Variants in ELP5 observed in about 807,000 individuals in gnomAD.
ELP5 encodes elongator complex protein 5.
Under a neutral mutation model 33.4 loss-of-function variants are expected in ELP5, and 34 were observed. The ratio of observed to expected loss-of-function variants is 1.02; its 90% CI spans 0.78 to 1.36. The LOEUF is 1.36. ELP5 is among the 40% of genes most tolerant of loss of function. The pLI, the probability that ELP5 is intolerant of heterozygous loss-of-function variation, is 0.00. For synonymous variants in ELP5, 161 were observed against 146.4 expected (o/e 1.10, Z -0.72); for missense variants, 373 against 371.7 (o/e 1.00, Z -0.03).
At chr17:7,259,479 GT>G in intron 7 of ELP5, 91 bp from the exon 8 acceptor site, 2 of 1,576,426 alleles carry the variant, frequency 1.3e-6, no homozygotes, top group Non-Finnish European at 1.7e-6. Context: ...GGCCTAACAG[GT>G]TGCCTGAATG....
Position 7,252,306 on chromosome 17 carries a change from TCA to T in ELP5, c.-242_-241del. ...GCCCCAACTGCTCTTCCCGCCCCGG[TCA>T]CAGTGAAAATGTAGACGGGGTCGTT... On this transcript the variant is annotated 5_prime_UTR_variant, in exon 1 of 8. Transcript: ENST00000396628. 1.7e-6 allele frequency: 1 copy of T among 595,458 alleles called. No homozygotes were observed. Among genetic ancestry groups the T allele is most frequent in the Admixed American group, 2.7e-5 (1 of 36,782 alleles). 36.9% of individuals were successfully genotyped at this position (595,458 alleles called of 1,614,324 possible). A position where few individuals can be genotyped will look rare whatever the true frequency, so the allele number is the denominator to read the frequency against.
At chr17:7,259,302 T>C in intron 7 of ELP5, 1 of 1,384,956 alleles carries the variant, frequency 7.2e-7, no homozygotes, top group Non-Finnish European at 9.3e-7. Context: ...CTGTGCCCAG[T>C]ATGTGGGCGG....
Position 7,257,030 on chromosome 17 carries a change from A to C in ELP5, c.583A>C (p.Thr195Pro), listed in dbSNP as rs750859636. The stretch of plus-strand genomic sequence containing the variant: ...GTGTCGGAGGCCCCGACAGCGCCCA[A>C]CTGACCAGGTCAGAAGAACCAACAG... The part of the protein sequence containing the change: ...ILCRRPRQRP[T>P]DQTQWFSILP... The change falls in exon 5 of 8, where the codon ACT (threonine) becomes CCT (proline). Residue 195 changes from threonine to proline, a missense_variant. By Grantham distance (38) the Thr-to-Pro change is conservative. Transcript: ENST00000396628. 6.9e-6 allele frequency: 11 copies of C among 1,587,872 alleles called. No homozygotes were observed. Among genetic ancestry groups the C allele is most frequent in the Non-Finnish European group, 8.5e-6 (10 of 1,169,606 alleles).
chr17:7,254,693 C>G lies in ELP5; in HGVS notation c.299C>G (p.Pro100Arg), dbSNP rs777632310. 6.2e-7 allele frequency: 1 copy of G among 1,614,134 alleles called. No individual in the cohort carries two copies. The highest frequency in any genetic ancestry group is 1.3e-5 in the African/African-American group (1 of 75,006). ...AGAGCCATGTGCAAGAGGACAGATC[C>G]TGTTCCTGTCACCATTGCTCTCGAT... Reference protein sequence around the residue: ...ALRAMCKRTDPVPVTIALDSL... With the variant: ...ALRAMCKRTDRVPVTIALDSL... Residue 100 changes from proline to arginine, a missense_variant, in exon 4 of 8, where the codon CCT becomes CGT. Pro to Arg is a moderately radical substitution (Grantham distance 103). Transcript: ENST00000396628.
Position 7,254,754 on chromosome 17 carries a change from C to G in ELP5, c.360C>G (p.Thr120=). ...LSWLLLRLPC[T]TLCQVLHAVS... ...GGCTGCTACTTCGCCTTCCCTGCAC[C>G]ACACTCTGCCAGGTCCTGCATGCTG... The change falls in exon 4 of 8, where the codon ACC becomes ACG. Residue 120 remains threonine (T), a synonymous_variant. Coordinates refer to ENST00000396628, the MANE Select transcript of ELP5 (RefSeq NM_203414.3). 1 of 1,614,148 alleles carries G rather than the reference C, an allele frequency of 6.2e-7. No individual in the cohort carries two copies.
intron 4 of ELP5, 91 bp from the exon 5 acceptor site, chr17:7,256,766 G>T: frequency 1.5e-6 from 2 of 1,366,378 alleles, no homozygotes; most frequent in South Asian, 2.5e-5. Context: ...GCACTGTGAT[G>T]GAATTGTGAG....
chr17:7,257,169 C>A, intron 5 of ELP5, 131 bp downstream of exon 5: 1 of 1,007,372 alleles, frequency 9.9e-7, no homozygotes, highest in Non-Finnish European at 1.4e-6. Flanking sequence ...TGGGGTTTCA[C>A]TGTGTTGGTC....
chr17:7,256,186 A>T (rs1369182778), intron 4 of ELP5, among the ~76,000 whole-genome samples: 1 of 152,148 alleles, frequency 6.6e-6, no homozygotes, highest in African/African-American at 2.4e-5. Context: ...CCCCGTCTCT[A>T]CCAAATACAA....
chr17:7,259,489 TGA>T (rs1259495578), intron 7 of ELP5, 80 bp from the exon 8 acceptor site: 34 of 1,586,464 alleles, frequency 2.1e-5, no homozygotes, highest in East Asian at 4.5e-5. Context: ...GTTGCCTGAA[TGA>T]GAGTCACAGT....
At position 7,252,941 on chromosome 17, in the gene ELP5, G is replaced by A; in HGVS notation, c.131G>A (p.Gly44Asp). 1 of 1,614,152 alleles carries A rather than the reference G, an allele frequency of 6.2e-7. No homozygotes were observed. The highest frequency in any genetic ancestry group is 8.5e-7 in the Non-Finnish European group (1 of 1,180,032). Residue 44 changes from glycine (G) to aspartate (D), a missense_variant, in exon 3 of 8, where the codon GGC becomes GAC. Transcript: ENST00000396628. ...ALCGEQVHIL[G>D]CEVSEEEFRE... ...AGTGGGGAGCAAGTGCATATCCTGG[G>A]CTGTGAAGTGAGCGAGGAAGAGTTT...
chr17:7,252,163 C>T, upstream of ELP5: 1 of 352,148 alleles, frequency 2.8e-6, no homozygotes, highest in South Asian at 2.4e-5. Context: ...GGGGCGGGGC[C>T]TGAGGCGAAG....
intron 3 of ELP5, among the ~76,000 whole-genome samples, chr17:7,254,294 T>G (rs951312354): frequency 6.6e-6 from 1 of 152,228 alleles, no homozygotes; most frequent in Admixed American, 6.5e-5. Context: ...AGCACTGTGC[T>G]GAATGCTTAG....
intron 5 of ELP5, 47 bp from the exon 6 acceptor site, chr17:7,258,541 A>G (rs754407605): frequency 3.8e-6 from 6 of 1,579,200 alleles, no homozygotes; most frequent in South Asian, 2.2e-5. Flanking sequence ...GAGTCTGTCT[A>G]GTTTCTTCAG....
chr17:7,252,432 T>G lies in ELP5; in HGVS notation c.-119T>G. The stretch of plus-strand genomic sequence containing the variant: ...TAATCACCTCTCATTCCAGACTATG[T>G]TAGGTCTTAATGGTGGGAGGACGCC... On this transcript the variant is annotated 5_prime_UTR_variant, in exon 1 of 8. Coordinates refer to ENST00000396628, the MANE Select transcript of ELP5 (RefSeq NM_203414.3). 3 of 1,440,042 alleles carry G rather than the reference T, an allele frequency of 2.1e-6. No homozygotes were observed. Among genetic ancestry groups the G allele is most frequent in the Non-Finnish European group, 2.9e-6 (3 of 1,034,666 alleles). 89.2% of individuals were successfully genotyped at this position (1,440,042 alleles called of 1,614,324 possible).
chr17:7,252,414 C>A lies in ELP5; in HGVS notation c.-137C>A. Reference sequence around the variant, plus strand: ...CCCTGGGAATATTGAACATAATCACCTCTCATTCCAGACTATGTTAGGTCT... The same window carrying A: ...CCCTGGGAATATTGAACATAATCACATCTCATTCCAGACTATGTTAGGTCT... On this transcript the variant is annotated 5_prime_UTR_variant, in exon 1 of 8. Transcript: ENST00000396628. The A allele has an allele frequency of 7.4e-7, 1 of 1,345,704 alleles. No individual in the cohort carries two copies. Among genetic ancestry groups the A allele is most frequent in the Non-Finnish European group, 1.0e-6 (1 of 957,026 alleles). 83.4% of individuals were successfully genotyped at this position (1,345,704 alleles called of 1,614,324 possible). A position where few individuals can be genotyped will look rare whatever the true frequency, so the allele number is the denominator to read the frequency against.
chr17:7,258,821 T>A lies in ELP5; in HGVS notation c.688-5T>A. 6.2e-7 allele frequency: 1 copy of A among 1,614,182 alleles called. No homozygotes were observed. Among genetic ancestry groups the A allele is most frequent in the Non-Finnish European group, 8.5e-7 (1 of 1,180,034 alleles). On this transcript the variant is annotated splice_region_variant and splice_polypyrimidine_tract_variant and intron_variant, in intron 6 of 7. Coordinates refer to ENST00000396628, the MANE Select transcript of ELP5 (RefSeq NM_203414.3). ...GCAGAGTGGCAGCATCCTTTGTACC[T>A]ACAGGTGGATCCCACAACTCATTTG... is the stretch of plus-strand genomic sequence containing the variant.
chr17:7,257,097 T>C (rs2072095607), intron 5 of ELP5, 59 bp downstream of exon 5: 2 of 1,464,054 alleles, frequency 1.4e-6, no homozygotes, highest in Non-Finnish European at 1.8e-6. Flanking sequence ...GGTGGCACGA[T>C]GGGAAGAACA....
Position 7,256,963 on chromosome 17 carries a change from G to GACCCTGGGCGGT in ELP5, c.520_531dup (p.Leu174_Thr177dup), listed in dbSNP as rs766196574. 13 of 1,613,254 alleles carry GACCCTGGGCGGT rather than the reference G, an allele frequency of 8.1e-6. No individual in the cohort carries two copies. The East Asian group carries it at 2.9e-4, about 36-fold the overall frequency. ...TCAGCAGCCTTGCTCAGACTGAGGT[G>GACCCTGGGCGGT]ACCCTGGGCGGTACCATGGGCCAGG... On this transcript the variant is annotated inframe_insertion, in exon 5 of 8. Transcript: ENST00000396628.
At chr17:7,256,442 G>A (rs1056719567) in intron 4 of ELP5, among the ~76,000 whole-genome samples, 6 of 152,230 alleles carry the variant, frequency 3.9e-5, no homozygotes, top group Admixed American at 6.5e-5. Context: ...GTGTTAAAGC[G>A]TTTAGCATAG....
Sources: gnomAD v4.1 joint callset for allele counts (sites outside exome capture counted in the v4.1 genomes callset) on GRCh38, gnomAD v4.1.1 for gene constraint, MANE v1.5 for transcripts, NCBI Gene and HGNC (gene_info 2026-07-23, HGNC 2026-07-21) for gene names.